The following RABGAP1L variants were observed in gnomAD, a reference collection of about 807,000 sequenced individuals.
RABGAP1L encodes the protein RAB GTPase activating protein 1 like.
In RABGAP1L, 63 loss-of-function variants were observed where a neutral mutation model predicts 137.7. The ratio of observed to expected loss-of-function variants is 0.46; its 90% CI spans 0.37 to 0.56. The LOEUF (loss-of-function observed/expected upper bound fraction) is 0.56. RABGAP1L is among the 20% of genes least tolerant of loss of function. The pLI, the probability that RABGAP1L is intolerant of heterozygous loss-of-function variation, is 0.00. For synonymous variants in RABGAP1L, 431 were observed against 433.7 expected, an observed-to-expected ratio of 0.99 and a Z score of 0.08; for missense variants, 1,095 against 1,244.0, an observed-to-expected ratio of 0.88 and a Z score of 1.80.
In RABGAP1L at chr1:174,767,381, G is replaced by GT. The variant is rs1685757294; in HGVS notation, c.2211+15032dup. On this transcript the variant is annotated intron_variant, in intron 18 of 25. Transcript: ENST00000681986. ...TAATTTTTTTTGATGATACTTTGTG[G>GT]TTTTTAGCATACAAAAGTCTTAAAG... 7.9e-5 allele frequency among the ~76,000 whole-genome samples: 12 copies of GT among 152,172 alleles called. No individual in the cohort carries two copies. The South Asian group carries it at 2.5e-3, about 32-fold the overall frequency.
At chr1:174,736,863 A>G (rs1682991311) in intron 17 of RABGAP1L, among the ~76,000 whole-genome samples, 2 of 152,214 alleles carry the variant, frequency 1.3e-5, no homozygotes, top group South Asian at 4.1e-4. Context: ...CTGGAGCCAG[A>G]ACAGCTGGGA....
intron 24 of RABGAP1L, among the ~76,000 whole-genome samples, chr1:174,987,362 T>G (rs1261586679): frequency 6.6e-6 from 1 of 152,168 alleles, no homozygotes; most frequent in Non-Finnish European, 1.5e-5. Context: ...AGACGGGGTT[T>G]CACCATGTTG....
rs149359193 is a variant in RABGAP1L, at chr1:174,182,988, A to C, written c.-34+23331A>C. Reference sequence around the variant, plus strand: ...TTTCTAAAGCTATTTCTTTATATGCATGTGTTTTAGAGTTGTGTGATTCTG... The same window carrying C: ...TTTCTAAAGCTATTTCTTTATATGCCTGTGTTTTAGAGTTGTGTGATTCTG... On this transcript the variant is annotated intron_variant, in intron 1 of 25. Coordinates refer to ENST00000681986, the MANE Select transcript of RABGAP1L (RefSeq NM_001366446.1). 2.3e-3 allele frequency among the ~76,000 whole-genome samples: 345 copies of C among 152,332 alleles called. 13 individuals are homozygous for C. The East Asian group carries it at 0.062, about 27-fold the overall frequency.
chr1:174,375,788 G>T (rs987365457), intron 12 of RABGAP1L, among the ~76,000 whole-genome samples: 1 of 152,118 alleles, frequency 6.6e-6, no homozygotes, highest in African/African-American at 2.4e-5. Flanking sequence ...AATAAGACTG[G>T]GCACAGTGGC....
Position 174,857,992 on chromosome 1 carries a change from G to GTATTT in RABGAP1L, c.2340+46042_2340+46046dup, listed in dbSNP as rs1274029589. Among the ~76,000 whole-genome samples, 4 of 152,142 alleles carry GTATTT rather than the reference G, an allele frequency of 2.6e-5. No individual in the cohort carries two copies. In the East Asian group the frequency reaches 7.7e-4, roughly 29 times the overall value. ...TGAAAAACAACTCCTCTCTATAATT[G>GTATTT]TATTTTATTTTATTGTTTTATTGTT... On this transcript the variant is annotated intron_variant, in intron 19 of 25. Transcript: ENST00000681986.
intron 18 of RABGAP1L, chr1:174,800,145 T>C: frequency 1.4e-6 from 2 of 1,392,000 alleles, no homozygotes; most frequent in Non-Finnish European, 1.9e-6. Flanking sequence ...CAGTCTACTT[T>C]GGGGTTCTCG....
chr1:174,431,570 A>G (rs1453386707), intron 13 of RABGAP1L, among the ~76,000 whole-genome samples: 1 of 152,236 alleles, frequency 6.6e-6, no homozygotes, highest in Non-Finnish European at 1.5e-5. Context: ...TCTTTGAGAA[A>G]AAATTCTTAT....
intron 1 of RABGAP1L, among the ~76,000 whole-genome samples, chr1:174,169,768 C>A (rs963220881): frequency 6.6e-6 from 1 of 152,158 alleles, no homozygotes; most frequent in Admixed American, 6.6e-5. Flanking sequence ...TAGCTCATTG[C>A]AGCCTCAAAC....
chr1:174,716,223 G>C (rs1680992419), intron 17 of RABGAP1L, among the ~76,000 whole-genome samples: 1 of 152,034 alleles, frequency 6.6e-6, no homozygotes, highest in African/African-American at 2.4e-5. Flanking sequence ...CGATAGGGAG[G>C]GCAACTGAAC....
intron 13 of RABGAP1L, among the ~76,000 whole-genome samples, chr1:174,590,500 CT>C (rs1358713403): frequency 0.039 from 3,636 of 93,740 alleles, 314 homozygotes; most frequent in African/African-American, 0.17. Context: ...TCCCTCCCCC[CT>C]CCCCCGACCC....
chr1:174,542,647 G>A (rs1423380323), intron 13 of RABGAP1L, among the ~76,000 whole-genome samples: 1 of 152,090 alleles, frequency 6.6e-6, no homozygotes, highest in African/African-American at 2.4e-5. Flanking sequence ...TTTTGAATGT[G>A]TTTGCTCTTG....
chr1:174,912,437 C>A (rs1464782002), intron 19 of RABGAP1L, among the ~76,000 whole-genome samples: 1 of 152,192 alleles, frequency 6.6e-6, no homozygotes, highest in East Asian at 1.9e-4. Context: ...TGAGCCACTG[C>A]ACCCAGCCAA....
chr1:174,650,516 G>A (rs938510491), intron 14 of RABGAP1L, among the ~76,000 whole-genome samples: 44 of 152,252 alleles, frequency 2.9e-4, no homozygotes, highest in African/African-American at 9.6e-4. Flanking sequence ...TTCAGAGCCT[G>A]TTATTGGTCT....
At chr1:174,264,557 T>C (rs181488139) in intron 7 of RABGAP1L, among the ~76,000 whole-genome samples, 1 of 152,270 alleles carries the variant, frequency 6.6e-6, no homozygotes, top group Non-Finnish European at 1.5e-5. Context: ...TGTTCAAAAA[T>C]CAAACTAAAA....
At chr1:174,708,123 GCTTCT>G (rs781559009) in intron 17 of RABGAP1L, among the ~76,000 whole-genome samples, 5 of 152,160 alleles carry the variant, frequency 3.3e-5, no homozygotes, top group African/African-American at 4.8e-5. Flanking sequence ...TGTATCTTCT[GCTTCT>G]CTTCTCTTCT....
At chr1:174,456,624 A>G (rs1008587285) in intron 13 of RABGAP1L, among the ~76,000 whole-genome samples, 16 of 152,092 alleles carry the variant, frequency 1.1e-4, no homozygotes, top group Admixed American at 6.5e-4. Context: ...AACCTTTTAA[A>G]TAAGTAATTC....
intron 1 of RABGAP1L, among the ~76,000 whole-genome samples, chr1:174,210,228 G>A (rs1478170338): frequency 1.3e-5 from 2 of 152,146 alleles, no homozygotes; most frequent in Non-Finnish European, 2.9e-5. Flanking sequence ...GACCATTCAG[G>A]AAAACATGAC....
chr1:174,993,833 A>C lies in RABGAP1L; in HGVS notation c.*3832A>C, dbSNP rs1672213742. 1 of 152,248 alleles carries C rather than the reference A, an allele frequency of 6.6e-6. No homozygotes were observed. The highest frequency in any genetic ancestry group is 6.5e-5 in the Admixed American group (1 of 15,292). 9.4% of individuals were successfully genotyped at this position (152,248 alleles called of 1,614,324 possible). On this transcript the variant is annotated 3_prime_UTR_variant, in exon 26 of 26. Transcript: ENST00000681986. ...ATAACTTGCCCTTAAAAACACTCCA[A>C]AATACTGACTCCTTTTCTCCAATTA...
chr1:174,605,266 G>T (rs1437494450), intron 13 of RABGAP1L, among the ~76,000 whole-genome samples: 1 of 152,174 alleles, frequency 6.6e-6, no homozygotes, highest in Non-Finnish European at 1.5e-5. Context: ...CTCTGATGAA[G>T]CTTTCCTAGG....
Sources: allele counts gnomAD v4.1 joint callset (sites outside exome capture counted in the v4.1 genomes callset), GRCh38; gene constraint gnomAD v4.1.1; transcripts MANE v1.5; gene names NCBI Gene and HGNC (gene_info 2026-07-23, HGNC 2026-07-21).